WWOX: variants seen among roughly 807,000 people sequenced by gnomAD.
The protein encoded by WWOX is WW domain-containing oxidoreductase.
WWOX carries 69 observed loss-of-function variants against 46.2 expected under a neutral mutation model. The ratio of observed to expected loss-of-function variants is 1.49; its 90% CI spans 1.23 to 1.82. WWOX has a LOEUF of 1.82. WWOX is among the 40% of genes most tolerant of loss of function. The pLI is 0.00. For synonymous variants in WWOX, 359 were observed against 202.6 expected (o/e 1.77, Z -6.56); for missense variants, 919 against 542.6 (o/e 1.69, Z -6.89).
intron 8 of WWOX, among the ~76,000 whole-genome samples, chr16:78,639,456 A>G (rs1180872702): frequency 6.6e-6 from 1 of 152,168 alleles, no homozygotes; most frequent in Non-Finnish European, 1.5e-5. Flanking sequence ...AGTGTTTGAG[A>G]TCCTGTAGTG....
chr16:78,127,923 A>G (rs1232306089), intron 4 of WWOX, among the ~76,000 whole-genome samples: 4 of 152,202 alleles, frequency 2.6e-5, no homozygotes, highest in Non-Finnish European at 5.9e-5. Context: ...TCACTTAACC[A>G]TCTGAGCCTT....
intron 8 of WWOX, among the ~76,000 whole-genome samples, chr16:78,476,907 T>A (rs1320615505): frequency 6.6e-6 from 1 of 152,036 alleles, no homozygotes; most frequent in Non-Finnish European, 1.5e-5. Flanking sequence ...TTCTCTCCCC[T>A]CTCCCCCTTC....
intron 6 of WWOX, among the ~76,000 whole-genome samples, chr16:78,424,596 G>C (rs1179904474): frequency 1.3e-5 from 2 of 152,142 alleles, no homozygotes; most frequent in Non-Finnish European, 2.9e-5. Flanking sequence ...CTGCTGTCCT[G>C]GTTTTCACAC....
At chr16:78,599,702 G>A (rs1297452503) in intron 8 of WWOX, among the ~76,000 whole-genome samples, 1 of 152,172 alleles carries the variant, frequency 6.6e-6, no homozygotes, top group Non-Finnish European at 1.5e-5. Context: ...ATCCACAGAT[G>A]CCTTGTGTTT....
intron 8 of WWOX, among the ~76,000 whole-genome samples, chr16:79,166,453 C>T (rs2050596233): frequency 6.6e-6 from 1 of 152,184 alleles, no homozygotes; most frequent in African/African-American, 2.4e-5. Flanking sequence ...GTCACAGAGC[C>T]ACTGTGTACT....
intron 8 of WWOX, among the ~76,000 whole-genome samples, chr16:78,681,390 C>T (rs56317069): frequency 5.9e-5 from 9 of 152,160 alleles, no homozygotes; most frequent in African/African-American, 1.9e-4. Context: ...GGTGACAGAG[C>T]GAGACTCTGT....
chr16:78,483,126 A>T (rs2084537140), intron 8 of WWOX, among the ~76,000 whole-genome samples: 1 of 152,160 alleles, frequency 6.6e-6, no homozygotes, highest in Admixed American at 6.5e-5. Flanking sequence ...ATGGCTCTCG[A>T]TATGCATGAG....
intron 5 of WWOX, among the ~76,000 whole-genome samples, chr16:78,321,742 G>A (rs2080486971): frequency 1.3e-5 from 2 of 152,170 alleles, no homozygotes; most frequent in Admixed American, 6.5e-5. Context: ...CAGGCTTGGT[G>A]CCTGGCGTCA....
chr16:79,136,464 C>T (rs1818967782), intron 8 of WWOX, among the ~76,000 whole-genome samples: 1 of 152,130 alleles, frequency 6.6e-6, no homozygotes, highest in African/African-American at 2.4e-5. Context: ...CTCCTGACCT[C>T]ATGATCCACC....
chr16:78,609,770 G>C (rs2045854279), intron 8 of WWOX, among the ~76,000 whole-genome samples: 1 of 152,158 alleles, frequency 6.6e-6, no homozygotes, highest in South Asian at 2.1e-4. Context: ...CCAAAGTACA[G>C]GAAGCTATAC....
chr16:79,063,575 G>A (rs2150552762), intron 8 of WWOX, among the ~76,000 whole-genome samples: 1 of 152,276 alleles, frequency 6.6e-6, no homozygotes, highest in East Asian at 1.9e-4. Flanking sequence ...AGAATTCCAG[G>A]AGCGGATTTG....
intron 8 of WWOX, among the ~76,000 whole-genome samples, chr16:79,119,344 A>G (rs2049581163): frequency 6.6e-6 from 1 of 152,222 alleles, no homozygotes. Context: ...GGGTTTCTAA[A>G]GAGGTTTCGT....
intron 5 of WWOX, among the ~76,000 whole-genome samples, chr16:78,326,958 C>G (rs189552289): frequency 6.6e-6 from 1 of 152,150 alleles, no homozygotes; most frequent in African/African-American, 2.4e-5. Context: ...CTGAATTTCT[C>G]TTGCTGCTTT....
chr16:78,683,663 A>C (rs2047784285), intron 8 of WWOX, among the ~76,000 whole-genome samples: 2 of 152,236 alleles, frequency 1.3e-5, no homozygotes, highest in South Asian at 4.2e-4. Flanking sequence ...CGGCTTCCCA[A>C]AGTGCTGGGA....
chr16:78,305,045 T>G (rs1309055604), intron 5 of WWOX, among the ~76,000 whole-genome samples: 1 of 152,046 alleles, frequency 6.6e-6, no homozygotes, highest in Non-Finnish European at 1.5e-5. Flanking sequence ...GGGCAGTGAT[T>G]AAACTCAGGC....
intron 5 of WWOX, among the ~76,000 whole-genome samples, chr16:78,197,609 T>G (rs1421002267): frequency 6.6e-6 from 1 of 152,220 alleles, no homozygotes; most frequent in Non-Finnish European, 1.5e-5. Context: ...GAAGGCTGTG[T>G]GTTTATCCAG....
At chr16:78,852,580 C>T (rs948813068) in intron 8 of WWOX, among the ~76,000 whole-genome samples, 1 of 152,050 alleles carries the variant, frequency 6.6e-6, no homozygotes, top group African/African-American at 2.4e-5. Context: ...TAGGAGACAC[C>T]CAAGTCAAAT....
At position 79,040,551 on chromosome 16, in the gene WWOX, C is replaced by T. The variant is rs553234742; in HGVS notation, c.1057-171057C>T. Among the ~76,000 whole-genome samples the T allele has an allele frequency of 1.1e-4, 17 of 152,270 alleles. 1 individual carries two copies. Among genetic ancestry groups the T allele is most frequent in the African/African-American group, 4.1e-4 (17 of 41,548 alleles). ...TTGGCCCCACAAAGTGCTGGGCTTA[C>T]AGGTATCAGCCACTGGGCCTGGCCT... On this transcript the variant is annotated intron_variant, in intron 8 of 8. Coordinates refer to ENST00000566780, the MANE Select transcript of WWOX (RefSeq NM_016373.4).
rs1376593420 is a variant in WWOX, at chr16:78,967,462, T to G, written c.1057-244146T>G. ...ACATGCCTGGTTAATTTTTGTGGTT[T>G]TTTTTTTTTTTTTTTTTTTCCTGCT... On this transcript the variant is annotated intron_variant, in intron 8 of 8. Coordinates refer to ENST00000566780, the MANE Select transcript of WWOX (RefSeq NM_016373.4). Among the ~76,000 whole-genome samples the G allele has an allele frequency of 4.7e-4, 28 of 59,522 alleles. 1 individual carries two copies. Among genetic ancestry groups the G allele is most frequent in the East Asian group, 9.7e-4 (4 of 4,114 alleles). The allele number at this position is 59,522 out of a possible 152,430, so 39.0% of individuals were successfully genotyped here.
Sources: allele counts gnomAD v4.1 joint callset (sites outside exome capture counted in the v4.1 genomes callset), GRCh38; gene constraint gnomAD v4.1.1; transcripts MANE v1.5; gene names NCBI Gene and HGNC (gene_info 2026-07-23, HGNC 2026-07-21).